FSTL4: variants seen among roughly 807,000 people sequenced by gnomAD.
FSTL4 encodes the protein follistatin-related protein 4.
Under a neutral mutation model 78.2 loss-of-function variants are expected in FSTL4, and 28 were observed. That is an observed-to-expected ratio of 0.36 (90% CI 0.27 to 0.49). The LOEUF (loss-of-function observed/expected upper bound fraction) is 0.49, where lower values mean the gene tolerates loss of function less well. Ranked by LOEUF, FSTL4 falls within the 20% of genes least tolerant of loss-of-function variation. FSTL4 has a pLI of 0.98. For missense variants in FSTL4, 922 were observed against 1,084.9 expected (o/e 0.85, Z 2.11); for synonymous variants, 422 against 440.5 (o/e 0.96, Z 0.53).
At chr5:133,781,053 C>T in the FSTL4 span, among the ~76,000 whole-genome samples, 1 of 152,222 alleles carries the variant, frequency 6.6e-6, no homozygotes, top group Non-Finnish European at 1.5e-5. Flanking sequence ...GGGCAGCATG[C>T]ACAGATGCCT....
chr5:133,272,651 T>C (rs751640397), intron 6 of FSTL4, among the ~76,000 whole-genome samples: 6 of 152,266 alleles, frequency 3.9e-5, no homozygotes, highest in Non-Finnish European at 8.8e-5. Flanking sequence ...TTATTCCATA[T>C]GCGTCATTAA....
At chr5:133,453,973 C>T (rs1757433240) in intron 3 of FSTL4, among the ~76,000 whole-genome samples, 1 of 152,176 alleles carries the variant, frequency 6.6e-6, no homozygotes, top group Admixed American at 6.5e-5. Context: ...AAGCACAAAC[C>T]ATTCTCAGCA....
the FSTL4 span, among the ~76,000 whole-genome samples, chr5:133,681,669 C>T: frequency 1.3e-5 from 2 of 152,264 alleles, no homozygotes; most frequent in East Asian, 1.9e-4. Context: ...AGAAATGCTG[C>T]TAATCAGGAG....
In FSTL4 at chr5:133,220,810, G is replaced by A. The variant is rs552403197; in HGVS notation, c.1396C>T (p.His466Tyr). ...CTCTGGATCTCACAGTCCACAGGATGGATGACGATGATACCGTCGTCGGAG... is the reference window on the plus strand; with the variant it reads ...CTCTGGATCTCACAGTCCACAGGATAGATGACGATGATACCGTCGTCGGAG... Reference protein sequence around the residue: ...VFSDDGIIVIHPVDCEIQRHL... With the variant: ...VFSDDGIIVIYPVDCEIQRHL... Residue 466 changes from histidine (H) to tyrosine (Y), a missense_variant, in exon 12 of 16, where the codon CAT (histidine) becomes TAT (tyrosine). Physicochemically the swap from His to Tyr is moderately conservative, Grantham distance 83. Transcript: ENST00000265342. The A allele has an allele frequency of 6.2e-7, 1 of 1,613,362 alleles. No individual in the cohort carries two copies. The highest frequency in any genetic ancestry group is 1.7e-5 in the Admixed American group (1 of 60,026).
At position 133,501,279 on chromosome 5, in the gene FSTL4, A is replaced by T. The variant is rs929612282; in HGVS notation, c.160+65907T>A. ...GCCTTACAATTTTAAGAAAAAAAAA[A>T]AATAAAAAGCAAAAGCAAACTTTCC... On this transcript the variant is annotated intron_variant, in intron 3 of 15. Coordinates refer to ENST00000265342, the MANE Select transcript of FSTL4 (RefSeq NM_015082.2). Among the ~76,000 whole-genome samples, 46 of 152,090 alleles carry T rather than the reference A, an allele frequency of 3.0e-4. No homozygotes were observed. In the East Asian group the frequency reaches 6.2e-3, roughly 20 times the overall value.
chr5:133,217,401 T>C (rs761715768), intron 12 of FSTL4, 23 bp from the exon 13 acceptor site: 2 of 1,610,968 alleles, frequency 1.2e-6, no homozygotes, highest in Non-Finnish European at 1.7e-6. Flanking sequence ...TAGGCTGTCA[T>C]ATATCTTCTT....
intron 3 of FSTL4, among the ~76,000 whole-genome samples, chr5:133,550,648 C>G (rs550570076): frequency 6.6e-6 from 1 of 152,284 alleles, no homozygotes; most frequent in South Asian, 2.1e-4. Flanking sequence ...TGTGAGAAAA[C>G]CAAAGCACAG....
chr5:133,224,900 GT>G (rs199498408), intron 10 of FSTL4, among the ~76,000 whole-genome samples: 3,532 of 152,312 alleles, frequency 0.023, 150 homozygotes, highest in African/African-American at 0.081. Context: ...GTTTCCTTGT[GT>G]TCCTGGGCTC....
chr5:133,838,953 C>T, the FSTL4 span, among the ~76,000 whole-genome samples: 1 of 152,194 alleles, frequency 6.6e-6, no homozygotes, highest in Non-Finnish European at 1.5e-5. Context: ...CTGGAAAATA[C>T]AACTGCCACA....
chr5:133,456,804 C>A (rs1344183818), intron 3 of FSTL4, among the ~76,000 whole-genome samples: 1 of 152,210 alleles, frequency 6.6e-6, no homozygotes, highest in Non-Finnish European at 1.5e-5. Context: ...AACGAGCCCC[C>A]AACTATCTGT....
Position 133,526,394 on chromosome 5 carries a change from G to A in FSTL4, c.160+40792C>T, listed in dbSNP as rs74453834. On this transcript the variant is annotated intron_variant, in intron 3 of 15. Coordinates refer to ENST00000265342, the MANE Select transcript of FSTL4 (RefSeq NM_015082.2). ...AGAGATGAGATCTCAGCTGGGTCTT[G>A]GAGGAAGAGGAGAATCCATTCACAA... Among the ~76,000 whole-genome samples, 890 of 152,274 alleles carry A rather than the reference G, an allele frequency of 5.8e-3. 31 individuals carry two copies. The East Asian group carries it at 0.1, about 17-fold the overall frequency.
chr5:133,770,092 G>A, the FSTL4 span, among the ~76,000 whole-genome samples: 2 of 152,078 alleles, frequency 1.3e-5, no homozygotes, highest in Non-Finnish European at 2.9e-5. Context: ...GTTTGTGTGT[G>A]TGGGTGTGTG....
At chr5:133,295,860 G>A (rs1753383588) in intron 6 of FSTL4, among the ~76,000 whole-genome samples, 1 of 152,074 alleles carries the variant, frequency 6.6e-6, no homozygotes, top group Non-Finnish European at 1.5e-5. Flanking sequence ...CCCATCAGAG[G>A]CTCTTAGGGC....
intron 7 of FSTL4, among the ~76,000 whole-genome samples, chr5:133,235,267 G>A (rs1310189698): frequency 2.0e-5 from 3 of 152,128 alleles, no homozygotes; most frequent in African/African-American, 7.2e-5. Context: ...ATCACTTGAG[G>A]TCAGGAGTTT....
intron 3 of FSTL4, among the ~76,000 whole-genome samples, chr5:133,417,748 A>G (rs1313829136): frequency 6.6e-6 from 1 of 151,964 alleles, no homozygotes; most frequent in Non-Finnish European, 1.5e-5. Flanking sequence ...ACTTGAGGTC[A>G]GGAGTTTGAG....
rs552076838 is a variant in FSTL4 at position 133,497,405 on chromosome 5, A to G, written c.160+69781T>C. ...GAATAATATACATAGAGCACTGCTG[A>G]ACACATAGTGCATGCTCAGTAAGTG... On this transcript the variant is annotated intron_variant, in intron 3 of 15. Transcript: ENST00000265342. Among the ~76,000 whole-genome samples the G allele has an allele frequency of 2.6e-5, 4 of 152,366 alleles. No individual in the cohort carries two copies. In the East Asian group the frequency reaches 7.7e-4, roughly 29 times the overall value.
chr5:133,775,653 AAGAGT>A, the FSTL4 span, among the ~76,000 whole-genome samples: 3 of 152,196 alleles, frequency 2.0e-5, no homozygotes, highest in African/African-American at 7.2e-5. Context: ...CAGAAGGTGG[AAGAGT>A]AGATTGTACA....
chr5:133,495,225 C>T (rs10053911), intron 3 of FSTL4, among the ~76,000 whole-genome samples: 3,204 of 152,240 alleles, frequency 0.021, 119 homozygotes, highest in African/African-American at 0.073. Flanking sequence ...GGCCAAAACT[C>T]GACCAGGCCT....
At chr5:133,395,137 G>A (rs965529752) in intron 4 of FSTL4, among the ~76,000 whole-genome samples, 3 of 152,110 alleles carry the variant, frequency 2.0e-5, no homozygotes, top group Non-Finnish European at 4.4e-5. Flanking sequence ...CCAGATAAAG[G>A]AATAAAAGCA....
Sources: gnomAD v4.1 joint callset for allele counts (sites outside exome capture counted in the v4.1 genomes callset) on GRCh38, gnomAD v4.1.1 for gene constraint, MANE v1.5 for transcripts, NCBI Gene and HGNC (gene_info 2026-07-23, HGNC 2026-07-21) for gene names.